The following ADAM22 variants were observed in gnomAD, a reference collection of about 807,000 sequenced individuals.
ADAM22 encodes the protein disintegrin and metalloproteinase domain-containing protein 22.
Under a neutral mutation model 144.6 loss-of-function variants are expected in ADAM22, and 65 were observed. That is an observed-to-expected ratio of 0.45 (90% CI 0.37 to 0.55). The LOEUF (loss-of-function observed/expected upper bound fraction) is 0.55. Among genes scored for constraint, ADAM22 ranks in the 20% least tolerant of loss-of-function variants. The pLI is 0.00. For synonymous variants in ADAM22, 391 were observed against 412.6 expected (o/e 0.95, Z 0.63); for missense variants, 974 against 1,184.9 (o/e 0.82, Z 2.61).
intron 7 of ADAM22, among the ~76,000 whole-genome samples, chr7:88,124,518 T>A (rs1830003185): frequency 6.6e-6 from 1 of 151,802 alleles, no homozygotes; most frequent in South Asian, 2.1e-4. Flanking sequence ...TGCAGTTAAG[T>A]CTTGCATTAA....
At chr7:88,179,896 C>T (rs1249219648) in intron 27 of ADAM22, among the ~76,000 whole-genome samples, 1 of 151,986 alleles carries the variant, frequency 6.6e-6, no homozygotes, top group Admixed American at 6.6e-5. Flanking sequence ...GTATAATGGA[C>T]AGGAAAAAAG....
At chr7:88,133,822 C>A (rs1157764724) in intron 12 of ADAM22, among the ~76,000 whole-genome samples, 1 of 152,120 alleles carries the variant, frequency 6.6e-6, no homozygotes, top group Non-Finnish European at 1.5e-5. Flanking sequence ...AAAAGATATC[C>A]TCAGTTCTTC....
chr7:88,177,936 GT>G (rs1203228247), intron 26 of ADAM22, among the ~76,000 whole-genome samples: 1 of 152,154 alleles, frequency 6.6e-6, no homozygotes, highest in African/African-American at 2.4e-5. Flanking sequence ...GCACTAGTTT[GT>G]GGCACCTCCA....
intron 4 of ADAM22, among the ~76,000 whole-genome samples, chr7:88,103,563 A>C (rs1023597555): frequency 3.3e-5 from 5 of 152,084 alleles, no homozygotes; most frequent in African/African-American, 1.2e-4. Flanking sequence ...TTGTACTTTT[A>C]TGGCTATGTT....
chr7:88,032,465 T>C (rs1800522910), intron 3 of ADAM22, among the ~76,000 whole-genome samples: 1 of 152,220 alleles, frequency 6.6e-6, no homozygotes, highest in African/African-American at 2.4e-5. Context: ...CCATTGTGTT[T>C]TGGAAGTGAC....
At chr7:88,083,001 G>A (rs1272944996) in intron 4 of ADAM22, among the ~76,000 whole-genome samples, 2 of 152,154 alleles carry the variant, frequency 1.3e-5, no homozygotes, top group African/African-American at 2.4e-5. Flanking sequence ...TATACCCAAA[G>A]GATTATAAAT....
At chr7:88,024,281 G>T (rs28826573) in intron 3 of ADAM22, among the ~76,000 whole-genome samples, 4,511 of 152,160 alleles carry the variant, frequency 0.03, 215 homozygotes, top group African/African-American at 0.1. Flanking sequence ...CTCCATAGTG[G>T]TCATACTAAT....
At chr7:88,034,180 C>A (rs1349305515) in intron 3 of ADAM22, among the ~76,000 whole-genome samples, 1 of 152,188 alleles carries the variant, frequency 6.6e-6, no homozygotes, top group Non-Finnish European at 1.5e-5. Context: ...CAGAGTCTCA[C>A]CCCAGGCCCA....
chr7:88,109,338 G>A (rs984381830), intron 5 of ADAM22, among the ~76,000 whole-genome samples: 4 of 152,060 alleles, frequency 2.6e-5, no homozygotes, highest in Non-Finnish European at 5.9e-5. Context: ...CCTCCATCCT[G>A]TCGATAATGA....
chr7:88,099,485 T>C (rs1256149726), intron 4 of ADAM22, among the ~76,000 whole-genome samples: 1 of 152,148 alleles, frequency 6.6e-6, no homozygotes, highest in Non-Finnish European at 1.5e-5. Flanking sequence ...GAAGTAAACA[T>C]GCCTGCCCTT....
At chr7:88,009,728 A>G (rs777609837) in intron 3 of ADAM22, among the ~76,000 whole-genome samples, 2 of 152,230 alleles carry the variant, frequency 1.3e-5, no homozygotes, top group Non-Finnish European at 2.9e-5. Flanking sequence ...AATTTTCCAT[A>G]GACTAGCTTC....
At chr7:88,031,943 G>A (rs1563066504) in intron 3 of ADAM22, among the ~76,000 whole-genome samples, 1 of 152,252 alleles carries the variant, frequency 6.6e-6, no homozygotes, top group Non-Finnish European at 1.5e-5. Flanking sequence ...AGGCCTGTGG[G>A]TGCACAGAGA....
In ADAM22 at chr7:88,201,101, T is replaced by C. The variant is rs1195855270; in HGVS notation, c.*4610T>C. On this transcript the variant is annotated 3_prime_UTR_variant, in exon 32 of 32. Coordinates refer to ENST00000413139, the MANE Select transcript of ADAM22 (RefSeq NM_001324418.2). ...GCAGAACAAAGATGCAGCAGGACTT[T>C]AGAAAACAGGAGTGTTTCTACTGAC... 6.6e-6 allele frequency: 1 copy of C among 152,262 alleles called. No individual in the cohort carries two copies. Among genetic ancestry groups the C allele is most frequent in the East Asian group, 1.9e-4 (1 of 5,204 alleles). The allele number at this position is 152,262 out of a possible 1,614,324, so 9.4% of individuals were successfully genotyped here.
intron 2 of ADAM22, among the ~76,000 whole-genome samples, chr7:87,942,711 A>G (rs1198973328): frequency 6.6e-6 from 1 of 152,150 alleles, no homozygotes; most frequent in Admixed American, 6.5e-5. Context: ...ACACCTCTTG[A>G]AGGACACGTG....
In ADAM22 at chr7:88,153,302, A is replaced by T; in HGVS notation, c.1763A>T (p.Asp588Val). Residue 588 changes from aspartate (D) to valine (V), a missense_variant, in exon 21 of 32, where the codon GAC (aspartate) becomes GTC (valine). Around this residue, in one of 2 missense-constraint regions of ADAM22, gnomAD observed 734 missense variants for 950.6 expected, o/e 0.77. Coordinates refer to ENST00000413139, the MANE Select transcript of ADAM22 (RefSeq NM_001324418.2). The stretch of plus-strand genomic sequence containing the variant: ...AAGGGTAACTGTGGGAAAGACAAAG[A>T]CACATGGATACAGTGCAACAAACGG... The part of the protein sequence containing the change: ...TEKGNCGKDK[D>V]TWIQCNKRDV... 6.2e-7 allele frequency: 1 copy of T among 1,613,374 alleles called. No individual in the cohort carries two copies. The highest frequency in any genetic ancestry group is 8.5e-7 in the Non-Finnish European group (1 of 1,179,582).
Position 87,950,142 on chromosome 7 carries a change from TTTA to T in ADAM22, c.246+14967_246+14969del, listed in dbSNP as rs1844683854. Among the ~76,000 whole-genome samples, 4 of 152,084 alleles carry T rather than the reference TTTA, an allele frequency of 2.6e-5. No individual in the cohort carries two copies. In the South Asian group the frequency reaches 8.3e-4, roughly 32 times the overall value. On this transcript the variant is annotated intron_variant, in intron 2 of 31. Transcript: ENST00000413139. ...AAAGTAGCTTTGTAATGTTTCTTTTTTTATTATTATTATACTTTAAGTTTTAGG... is the reference window on the plus strand; with the variant it reads ...AAAGTAGCTTTGTAATGTTTCTTTTTTTATTATTATACTTTAAGTTTTAGG...
chr7:87,961,019 T>C lies in ADAM22; in HGVS notation c.247-17317T>C, dbSNP rs188684745. ...TAGTAAATGATGCAGTAATACATTA[T>C]ATGGTATGTTCAAAGGTGATAAGTA... On this transcript the variant is annotated intron_variant, in intron 2 of 31. Transcript: ENST00000413139. Among the ~76,000 whole-genome samples, 6 of 152,326 alleles carry C rather than the reference T, an allele frequency of 3.9e-5. No individual in the cohort carries two copies. In the South Asian group the frequency reaches 6.2e-4, roughly 16 times the overall value.
At chr7:88,065,421 A>G (rs1248832050) in intron 3 of ADAM22, among the ~76,000 whole-genome samples, 3 of 152,064 alleles carry the variant, frequency 2.0e-5, no homozygotes, top group Non-Finnish European at 4.4e-5. Flanking sequence ...TTTCTAAAAT[A>G]CATTTCAAAA....
At position 88,196,804 on chromosome 7, in the gene ADAM22, A is replaced by C; in HGVS notation, c.*313A>C. The C allele has an allele frequency of 2.9e-6, 1 of 341,622 alleles. No individual in the cohort carries two copies. The highest frequency in any genetic ancestry group is 5.5e-6 in the Non-Finnish European group (1 of 181,238). 21.2% of individuals were successfully genotyped at this position (341,622 alleles called of 1,614,324 possible). On this transcript the variant is annotated 3_prime_UTR_variant, in exon 32 of 32. Coordinates refer to ENST00000413139, the MANE Select transcript of ADAM22 (RefSeq NM_001324418.2). ...AGAAATATTCATAAAGTTAACTCAC[A>C]TGACCCAAATGTAGCAAGTTTCCTA...
Sources: allele counts gnomAD v4.1 joint callset (sites outside exome capture counted in the v4.1 genomes callset), GRCh38; gene constraint gnomAD v4.1.1; regional missense constraint gnomAD v4.1.1; transcripts MANE v1.5; gene names NCBI Gene and HGNC (gene_info 2026-07-23, HGNC 2026-07-21).